Variants in HS6ST3 observed in about 807,000 individuals in gnomAD.
HS6ST3 encodes the protein heparan sulfate 6-O-sulfotransferase 3.
Under a neutral mutation model 36.7 loss-of-function variants are expected in HS6ST3, and 12 were observed. That is an observed-to-expected ratio of 0.33 (90% CI 0.21 to 0.53). The LOEUF (loss-of-function observed/expected upper bound fraction) is 0.53. HS6ST3 is among the 20% of genes least tolerant of loss of function. The probability of loss-of-function intolerance (pLI) is 0.95; values close to 1 mark genes in which losing one functional copy is unlikely to be tolerated. For missense variants in HS6ST3, 584 were observed against 640.9 expected (o/e 0.91, Z 0.96); for synonymous variants, 240 against 257.5 (o/e 0.93, Z 0.65).
At chr13:96,494,242 A>G (rs936962016) in intron 1 of HS6ST3, among the ~76,000 whole-genome samples, 11 of 152,050 alleles carry the variant, frequency 7.2e-5, no homozygotes, top group Non-Finnish European at 1.6e-4. Flanking sequence ...TATCCTTTGT[A>G]GGGACATGGA....
chr13:96,260,893 G>A (rs1255474893), intron 1 of HS6ST3, among the ~76,000 whole-genome samples: 2 of 151,612 alleles, frequency 1.3e-5, no homozygotes, highest in Admixed American at 6.6e-5. Flanking sequence ...GCCCTCCTTG[G>A]CCTCTCAAAG....
At chr13:96,382,083 A>G (rs1380432459) in intron 1 of HS6ST3, among the ~76,000 whole-genome samples, 2 of 152,120 alleles carry the variant, frequency 1.3e-5, no homozygotes, top group East Asian at 3.9e-4. Flanking sequence ...CTGACAGGGA[A>G]CAGGAGCCTG....
intron 1 of HS6ST3, among the ~76,000 whole-genome samples, chr13:96,527,581 C>G (rs1382351042): frequency 1.3e-5 from 2 of 152,152 alleles, no homozygotes; most frequent in African/African-American, 4.8e-5. Context: ...GACAGAGCCT[C>G]TTGTAGATAA....
chr13:96,126,489 GA>G, intron 1 of HS6ST3, among the ~76,000 whole-genome samples: 1 of 152,186 alleles, frequency 6.6e-6, no homozygotes, highest in Admixed American at 6.5e-5. Context: ...GAGAAAGTAG[GA>G]AGATACATTG....
chr13:96,227,094 T>G (rs2054484344), intron 1 of HS6ST3, among the ~76,000 whole-genome samples: 1 of 152,202 alleles, frequency 6.6e-6, no homozygotes, highest in Non-Finnish European at 1.5e-5. Flanking sequence ...AAATATGCCC[T>G]AAAATATTGG....
intron 1 of HS6ST3, among the ~76,000 whole-genome samples, chr13:96,340,934 A>G (rs2055127153): frequency 6.6e-6 from 1 of 152,244 alleles, no homozygotes; most frequent in African/African-American, 2.4e-5. Flanking sequence ...AACTAACAAA[A>G]AAAGTCATTG....
intron 1 of HS6ST3, among the ~76,000 whole-genome samples, chr13:96,797,102 AG>A (rs1164499343): frequency 1.3e-5 from 2 of 152,130 alleles, no homozygotes; most frequent in African/African-American, 4.8e-5. Context: ...AAAGAGATCC[AG>A]TTGGATGATC....
chr13:96,208,389 A>T (rs2054382544), intron 1 of HS6ST3, among the ~76,000 whole-genome samples: 1 of 152,036 alleles, frequency 6.6e-6, no homozygotes, highest in Admixed American at 6.6e-5. Flanking sequence ...TGCTGTAGGG[A>T]GCATTGTTGG....
chr13:96,528,357 A>G (rs2056122354), intron 1 of HS6ST3, among the ~76,000 whole-genome samples: 1 of 152,204 alleles, frequency 6.6e-6, no homozygotes, highest in Non-Finnish European at 1.5e-5. Context: ...TGAGGAAAAC[A>G]AATGACATTA....
chr13:96,546,253 A>C (rs2056197149), intron 1 of HS6ST3, among the ~76,000 whole-genome samples: 1 of 152,122 alleles, frequency 6.6e-6, no homozygotes, highest in Non-Finnish European at 1.5e-5. Context: ...TTAGGAGTGG[A>C]ACCTGGATAA....
At chr13:96,355,420 C>CGCACACAA (rs2055205686) in intron 1 of HS6ST3, among the ~76,000 whole-genome samples, 1 of 150,802 alleles carries the variant, frequency 6.6e-6, no homozygotes, top group Admixed American at 6.6e-5. Flanking sequence ...CAAACACACA[C>CGCACACAA]ACACAGAGGC....
chr13:96,807,117 C>T (rs1175401906), intron 1 of HS6ST3, among the ~76,000 whole-genome samples: 2 of 152,198 alleles, frequency 1.3e-5, no homozygotes, highest in Admixed American at 1.3e-4. Flanking sequence ...AGAATCACTT[C>T]TGAAGAATAC....
At chr13:96,632,146 T>C (rs2056534042) in intron 1 of HS6ST3, among the ~76,000 whole-genome samples, 1 of 152,106 alleles carries the variant, frequency 6.6e-6, no homozygotes, top group Non-Finnish European at 1.5e-5. Flanking sequence ...ACTTTGCCCC[T>C]TCATCTCTTC....
intron 1 of HS6ST3, among the ~76,000 whole-genome samples, chr13:96,196,954 G>A (rs1199880527): frequency 6.6e-6 from 1 of 152,160 alleles, no homozygotes; most frequent in Admixed American, 6.5e-5. Flanking sequence ...TCTTACCAGT[G>A]TTTCTGCACC....
At chr13:96,160,449 G>A (rs552622302) in intron 1 of HS6ST3, among the ~76,000 whole-genome samples, 1 of 152,300 alleles carries the variant, frequency 6.6e-6, no homozygotes, top group Non-Finnish European at 1.5e-5. Context: ...TTATGCTATA[G>A]TAAGGGTTAT....
At chr13:96,346,608 C>A (rs928187454) in intron 1 of HS6ST3, among the ~76,000 whole-genome samples, 1 of 151,756 alleles carries the variant, frequency 6.6e-6, no homozygotes, top group African/African-American at 2.4e-5. Context: ...TAAAACAAAG[C>A]CAGAAAAACA....
chr13:96,525,735 G>A (rs985640626), intron 1 of HS6ST3, among the ~76,000 whole-genome samples: 6 of 152,168 alleles, frequency 3.9e-5, no homozygotes, highest in Non-Finnish European at 7.3e-5. Flanking sequence ...TACCTATTAG[G>A]AATGAACGTG....
chr13:96,346,892 T>G (rs1215305042), intron 1 of HS6ST3, among the ~76,000 whole-genome samples: 1 of 152,142 alleles, frequency 6.6e-6, no homozygotes, highest in Non-Finnish European at 1.5e-5. Context: ...TCATGACTGC[T>G]ATCATGCTGG....
intron 1 of HS6ST3, among the ~76,000 whole-genome samples, chr13:96,407,518 C>T (rs2055484725): frequency 6.6e-6 from 1 of 152,138 alleles, no homozygotes; most frequent in South Asian, 2.1e-4. Context: ...ATTAGGGGCT[C>T]AATAGGCGTT....
Sources: allele counts gnomAD v4.1 joint callset (sites outside exome capture counted in the v4.1 genomes callset), GRCh38; gene constraint gnomAD v4.1.1; transcripts MANE v1.5; gene names NCBI Gene and HGNC (gene_info 2026-07-23, HGNC 2026-07-21).